Variants in SRRM3 observed in about 807,000 individuals in gnomAD.
SRRM3 encodes serine/arginine repetitive matrix protein 3.
SRRM3 carries 27 observed loss-of-function variants against 66.2 expected under a neutral mutation model. That is an observed-to-expected ratio of 0.41 (90% CI 0.30 to 0.56). The LOEUF is 0.56. SRRM3 is among the 20% of genes least tolerant of loss of function. The probability of loss-of-function intolerance (pLI) is 0.32; values close to 1 mark genes in which losing one functional copy is unlikely to be tolerated. For missense variants in SRRM3, 918 were observed against 991.9 expected (o/e 0.93, Z 1.00); for synonymous variants, 391 against 414.9 (o/e 0.94, Z 0.70).
chr7:76,226,333 A>T (rs1244417140), intron 1 of SRRM3, among the ~76,000 whole-genome samples: 1 of 152,236 alleles, frequency 6.6e-6, no homozygotes, highest in Non-Finnish European at 1.5e-5. Context: ...TCAGGCCTCT[A>T]GGCTTTTAAC....
chr7:76,279,972 A>C (rs1036436305), intron 11 of SRRM3, among the ~76,000 whole-genome samples: 6 of 151,234 alleles, frequency 4.0e-5, no homozygotes, highest in South Asian at 2.1e-4. Flanking sequence ...CTCTCTCTCT[A>C]TCTCTCTTGC....
At chr7:76,205,394 G>A (rs773528655) in intron 1 of SRRM3, among the ~76,000 whole-genome samples, 2 of 152,152 alleles carry the variant, frequency 1.3e-5, no homozygotes, top group Admixed American at 6.5e-5. Flanking sequence ...ATTTTTAGTA[G>A]AGATGGGGTT....
In SRRM3 at chr7:76,282,957, C is replaced by G; in HGVS notation, c.1596-7C>G. 7.4e-7 allele frequency: 1 copy of G among 1,348,108 alleles called. No homozygotes were observed. 83.5% of individuals were successfully genotyped at this position (1,348,108 alleles called of 1,614,324 possible). ...CGTCGCTCACTTACCTCGCGCCGGC[C>G]CCGCAGGGACAAGGACGGCGAGGGC... On this transcript the variant is annotated splice_polypyrimidine_tract_variant and splice_region_variant and intron_variant, in intron 13 of 14. Transcript: ENST00000611745.
chr7:76,215,405 T>G (rs113169023), intron 1 of SRRM3, among the ~76,000 whole-genome samples: 2 of 146,036 alleles, frequency 1.4e-5, no homozygotes, highest in East Asian at 2.0e-4. Context: ...TTTTTTTTTT[T>G]TTTTTTTTTT....
At position 76,267,326 on chromosome 7, in the gene SRRM3, C is replaced by G. The variant is rs543192730; in HGVS notation, c.899C>G (p.Pro300Arg). Residue 300 changes from proline to arginine, a missense_variant, in exon 11 of 15, where the codon CCT becomes CGT. Pro to Arg is a moderately radical substitution (Grantham distance 103). Transcript: ENST00000611745. ...CAGCGGTCCAGCGGAAGCCGGTCGCCTTCCCCGTCGGGCGGCAGCGGATGG... is the reference window on the plus strand; with the variant it reads ...CAGCGGTCCAGCGGAAGCCGGTCGCGTTCCCCGTCGGGCGGCAGCGGATGG... ...GSQRSSGSRS[P>R]SPSGGSGWGS... The G allele has an allele frequency of 2.6e-6, 4 of 1,542,966 alleles. No individual in the cohort carries two copies. The highest frequency in any genetic ancestry group is 2.9e-5 in the African/African-American group (2 of 69,674).
At position 76,286,164 on chromosome 7, in the gene SRRM3, C is replaced by A; in HGVS notation, c.*321C>A. On this transcript the variant is annotated 3_prime_UTR_variant, in exon 15 of 15. Coordinates refer to ENST00000611745, the MANE Select transcript of SRRM3 (RefSeq NM_001110199.3). ...TGATGCCAACTCACCAGGCTTGGGA[C>A]TGCTGCCGGTGGATGGTACCAGAGT... is the stretch of plus-strand genomic sequence containing the variant. 1 of 445,654 alleles carries A rather than the reference C, an allele frequency of 2.2e-6. No individual in the cohort carries two copies. Among genetic ancestry groups the A allele is most frequent in the Non-Finnish European group, 4.2e-6 (1 of 237,336 alleles). The allele number at this position is 445,654 out of a possible 1,614,324, so 27.6% of individuals were successfully genotyped here. A position where few individuals can be genotyped will look rare whatever the true frequency, so the allele number is the denominator to read the frequency against.
At chr7:76,215,287 C>A (rs1554602379) in intron 1 of SRRM3, among the ~76,000 whole-genome samples, 1 of 151,578 alleles carries the variant, frequency 6.6e-6, no homozygotes, top group Non-Finnish European at 1.5e-5. Context: ...AAAAAAAAGC[C>A]AACCCACTGA....
At chr7:76,266,103 C>T (rs1178456291) in intron 10 of SRRM3, among the ~76,000 whole-genome samples, 1 of 79,366 alleles carries the variant, frequency 1.3e-5, no homozygotes, top group Non-Finnish European at 2.0e-5. Context: ...CTCCTGACCT[C>T]GTGATCCGCC....
intron 1 of SRRM3, among the ~76,000 whole-genome samples, chr7:76,233,000 G>A (rs782149914): frequency 6.6e-6 from 1 of 151,934 alleles, no homozygotes; most frequent in African/African-American, 2.4e-5. Context: ...AAATGTGAGC[G>A]ATGTTGAGAA....
At chr7:76,231,191 A>T (rs1237566036) in intron 1 of SRRM3, among the ~76,000 whole-genome samples, 1 of 152,172 alleles carries the variant, frequency 6.6e-6, no homozygotes, top group Non-Finnish European at 1.5e-5. Context: ...GATTTGGGTC[A>T]TTCTATTAAT....
rs1236656807 is a variant in SRRM3 at position 76,258,746 on chromosome 7, GA to G, written c.336-1148del. ...AAAAAAAAAAAAAGAAAAAGAAAAA[GA>G]AAAAAAAAAAAGGAAGAAATTAGAG... On this transcript the variant is annotated intron_variant, in intron 3 of 14. Transcript: ENST00000611745. Among the ~76,000 whole-genome samples the G allele has an allele frequency of 3.2e-3, 347 of 108,694 alleles. 2 individuals carry two copies. The highest frequency in any genetic ancestry group is 8.7e-3 in the African/African-American group (248 of 28,610). The allele number at this position is 108,694 out of a possible 152,430, so 71.3% of individuals were successfully genotyped here.
At chr7:76,211,017 T>C (rs139103304) in intron 1 of SRRM3, among the ~76,000 whole-genome samples, 119 of 152,204 alleles carry the variant, frequency 7.8e-4, no homozygotes, top group African/African-American at 2.8e-3. Context: ...TTTCAACATA[T>C]TGGGTAGGCT....
At chr7:76,243,636 G>A (rs980562037) in intron 2 of SRRM3, among the ~76,000 whole-genome samples, 3 of 152,162 alleles carry the variant, frequency 2.0e-5, no homozygotes, top group Admixed American at 2.0e-4. Flanking sequence ...CCCAGGAAAG[G>A]GGGCTTGGAT....
chr7:76,264,039 T>C (rs1220697598), intron 8 of SRRM3, among the ~76,000 whole-genome samples: 2 of 150,976 alleles, frequency 1.3e-5, no homozygotes, highest in Non-Finnish European at 2.9e-5. Flanking sequence ...ACCCCAATAC[T>C]CAAGGGAATG....
At chr7:76,232,137 C>T (rs782221277) in intron 1 of SRRM3, among the ~76,000 whole-genome samples, 1 of 152,192 alleles carries the variant, frequency 6.6e-6, no homozygotes, top group Non-Finnish European at 1.5e-5. Flanking sequence ...CATTGAGCTT[C>T]ACATGCACTA....
chr7:76,225,958 A>G (rs1289288702), intron 1 of SRRM3, among the ~76,000 whole-genome samples: 1 of 152,066 alleles, frequency 6.6e-6, no homozygotes, highest in Non-Finnish European at 1.5e-5. Context: ...CTCTCAAATC[A>G]GGGGTCCCCA....
At chr7:76,252,668 G>T (rs1554607048) in intron 3 of SRRM3, among the ~76,000 whole-genome samples, 2 of 152,010 alleles carry the variant, frequency 1.3e-5, no homozygotes, top group African/African-American at 4.8e-5. Context: ...TGCCCAGGCT[G>T]CTCTCAAACT....
At chr7:76,202,920 T>G (rs1554600769) in intron 1 of SRRM3, among the ~76,000 whole-genome samples, 1 of 152,154 alleles carries the variant, frequency 6.6e-6, no homozygotes, top group Non-Finnish European at 1.5e-5. Flanking sequence ...TGTACCAAGG[T>G]CTGACGTGGT....
At chr7:76,234,194 A>AGTGTGTGTGTGT (rs58369922) in intron 1 of SRRM3, among the ~76,000 whole-genome samples, 1,433 of 141,142 alleles carry the variant, frequency 0.01, 21 homozygotes, top group African/African-American at 0.032. Flanking sequence ...AAGTCCTTGG[A>AGTGTGTGTGTGT]GTGTGTGTGT....
Sources: gnomAD v4.1 joint callset for allele counts (sites outside exome capture counted in the v4.1 genomes callset) on GRCh38, gnomAD v4.1.1 for gene constraint, MANE v1.5 for transcripts, NCBI Gene and HGNC (gene_info 2026-07-23, HGNC 2026-07-21) for gene names.